The following ANKRD28 variants were observed in gnomAD, a reference collection of about 807,000 sequenced individuals.
ANKRD28 encodes ankyrin repeat domain 28.
ANKRD28 carries 44 observed loss-of-function variants against 126.5 expected under a neutral mutation model. The ratio of observed to expected loss-of-function variants is 0.35; its 90% CI spans 0.27 to 0.45. ANKRD28 has a LOEUF of 0.45. Among genes scored for constraint, ANKRD28 ranks in the 20% least tolerant of loss-of-function variants. ANKRD28 has a pLI of 1.00. For missense variants in ANKRD28, 1,110 were observed against 1,316.6 expected (o/e 0.84, Z 2.43); for synonymous variants, 442 against 468.5 (o/e 0.94, Z 0.73).
At chr3:15,750,002 GATT>G (rs2057763145) in intron 4 of ANKRD28, among the ~76,000 whole-genome samples, 1 of 152,200 alleles carries the variant, frequency 6.6e-6, no homozygotes, top group Non-Finnish European at 1.5e-5. Flanking sequence ...AACTTACTAG[GATT>G]ATTTGCTTTC....
At position 15,797,549 on chromosome 3, in the gene ANKRD28, T is replaced by C; in HGVS notation, c.-1028A>G. The C allele has an allele frequency of 3.0e-6, 3 of 984,950 alleles. No homozygotes were observed. The highest frequency in any genetic ancestry group is 3.6e-6 in the Non-Finnish European group (3 of 829,910). The allele number at this position is 984,950 out of a possible 1,614,324, so 61.0% of individuals were successfully genotyped here. ...GCTCAAATTACTGCTTCAGGCTTTT[T>C]GTTTTCTTTAAAAAAAAAAAGGGGG... On this transcript the variant is annotated 5_prime_UTR_variant, in exon 1 of 28. Coordinates refer to ENST00000683139, the MANE Select transcript of ANKRD28 (RefSeq NM_001349278.2).
At chr3:15,800,470 T>C (rs1363119585), upstream of ANKRD28, among the ~76,000 whole-genome samples, 1 of 152,110 alleles carries the variant, frequency 6.6e-6, no homozygotes, top group Non-Finnish European at 1.5e-5. Flanking sequence ...TTGGGATAGC[T>C]GAATGATATC....
At position 15,735,466 on chromosome 3, in the gene ANKRD28, T is replaced by C. The variant is rs1271980097; in HGVS notation, c.584A>G (p.Asn195Ser). ...ATCTTTCTTGTCAAAAGCATTAATA[T>C]TGGCACCTCTAGACAAGAGTAGTTT... Reference protein sequence around the residue: ...MVKLLLSRGANINAFDKKDRR... With the variant: ...MVKLLLSRGASINAFDKKDRR... The change falls in exon 6 of 28, where the codon AAT becomes AGT. Residue 195 changes from asparagine (N) to serine (S), a missense_variant. Coordinates refer to ENST00000683139, the MANE Select transcript of ANKRD28 (RefSeq NM_001349278.2). 1.9e-6 allele frequency: 3 copies of C among 1,559,194 alleles called. No individual in the cohort carries two copies. Among genetic ancestry groups the C allele is most frequent in the South Asian group, 1.2e-5 (1 of 84,474 alleles).
intron 1 of ANKRD28, among the ~76,000 whole-genome samples, chr3:15,841,844 C>G (rs1441457108): frequency 6.6e-6 from 1 of 152,018 alleles, no homozygotes; most frequent in African/African-American, 2.4e-5. Flanking sequence ...CAAACTAGTA[C>G]AACCACTAGG....
In ANKRD28 at chr3:15,669,578, G is replaced by A. The variant is rs2066164488; in HGVS notation, c.*692C>T. On this transcript the variant is annotated 3_prime_UTR_variant, in exon 28 of 28. Transcript: ENST00000683139. ...TTTAATTCTAATAGTATAAAAATTG[G>A]AAATTTGAAATAGTTCTGTAAAAGA... is the stretch of plus-strand genomic sequence containing the variant. 1 of 151,650 alleles carries A rather than the reference G, an allele frequency of 6.6e-6. No individual in the cohort carries two copies. Among genetic ancestry groups the A allele is most frequent in the South Asian group, 2.1e-4 (1 of 4,808 alleles). The allele number at this position is 151,650 out of a possible 1,614,324, so 9.4% of individuals were successfully genotyped here.
intron 1 of ANKRD28, among the ~76,000 whole-genome samples, chr3:15,835,603 A>G (rs561909546): frequency 6.6e-6 from 1 of 152,314 alleles, no homozygotes; most frequent in East Asian, 1.9e-4. Context: ...CCACAGCTAT[A>G]AGAATAAGGT....
At chr3:15,685,497 T>C (rs1398212352) in intron 20 of ANKRD28, 52 bp from the exon 21 acceptor site, 6 of 1,554,570 alleles carry the variant, frequency 3.9e-6, no homozygotes, top group Middle Eastern at 1.7e-4. Context: ...AAACATTACA[T>C]GCCAATTTCA....
At chr3:15,768,498 G>C (rs755508731) in intron 2 of ANKRD28, among the ~76,000 whole-genome samples, 1 of 152,004 alleles carries the variant, frequency 6.6e-6, no homozygotes, top group Non-Finnish European at 1.5e-5. Flanking sequence ...AAATAAATAA[G>C]TAAATAAATT....
intron 14 of ANKRD28, among the ~76,000 whole-genome samples, chr3:15,705,818 T>C (rs1456419473): frequency 1.3e-5 from 2 of 152,068 alleles, no homozygotes; most frequent in Admixed American, 1.3e-4. Flanking sequence ...CTGGCCAACA[T>C]GGTGAATCTG....
chr3:15,715,993 TC>T (rs1367769477), intron 8 of ANKRD28, among the ~76,000 whole-genome samples: 6 of 151,252 alleles, frequency 4.0e-5, no homozygotes, highest in Non-Finnish European at 7.4e-5. Flanking sequence ...TTTTTTTCTC[TC>T]TTTTTTTTTT....
intron 5 of ANKRD28, 72 bp from the exon 6 acceptor site, chr3:15,735,569 G>A (rs944011198): frequency 8.4e-7 from 1 of 1,187,396 alleles, no homozygotes; most frequent in East Asian, 2.6e-5. Context: ...ATTTCTGACA[G>A]TTACTTATCT....
chr3:15,771,185 G>A (rs764642366), intron 2 of ANKRD28, among the ~76,000 whole-genome samples: 22 of 151,964 alleles, frequency 1.4e-4, no homozygotes, highest in Non-Finnish European at 2.4e-4. Context: ...CCAGGCGGGC[G>A]GATCACCTGA....
chr3:15,734,400 T>C (rs1012205977), intron 6 of ANKRD28, among the ~76,000 whole-genome samples: 8 of 152,204 alleles, frequency 5.3e-5, no homozygotes, highest in Non-Finnish European at 1.2e-4. Context: ...AATCAGGTAA[T>C]GTGACTGGTA....
chr3:15,717,249 G>A (rs1178858960), intron 8 of ANKRD28, among the ~76,000 whole-genome samples: 1 of 152,080 alleles, frequency 6.6e-6, no homozygotes, highest in South Asian at 2.1e-4. Context: ...AGGTAGCTGG[G>A]ACTAAAGGCA....
At position 15,797,119 on chromosome 3, in the gene ANKRD28, A is replaced by G. The variant is rs1404076781; in HGVS notation, c.-598T>C. 1 of 985,194 alleles carries G rather than the reference A, an allele frequency of 1.0e-6. No individual in the cohort carries two copies. Among genetic ancestry groups the G allele is most frequent in the Admixed American group, 6.2e-5 (1 of 16,230 alleles). The allele number at this position is 985,194 out of a possible 1,614,324, so 61.0% of individuals were successfully genotyped here. On this transcript the variant is annotated 5_prime_UTR_variant, in exon 1 of 28. Coordinates refer to ENST00000683139, the MANE Select transcript of ANKRD28 (RefSeq NM_001349278.2). ...TTTAATGCAGATACTATTCACAGAA[A>G]AAAGATCTAGAGCTCAGCACAAATC...
chr3:15,697,249 AC>A (rs1329316295), intron 14 of ANKRD28: 1 of 153,146 alleles, frequency 6.5e-6, no homozygotes, highest in Admixed American at 6.6e-5. Context: ...ACGCGAAGGC[AC>A]AAAAATGATA....
exon 1 of ANKRD28, chr3:15,859,423 A>G (rs2061856088): frequency 4.0e-6 from 6 of 1,517,860 alleles, no homozygotes; most frequent in Non-Finnish European, 5.3e-6. Flanking sequence ...CTCCGCGCCC[A>G]CTCCAGCCTC....
At chr3:15,740,203 GA>G (rs1312959416) in intron 4 of ANKRD28, among the ~76,000 whole-genome samples, 1 of 152,200 alleles carries the variant, frequency 6.6e-6, no homozygotes, top group African/African-American at 2.4e-5. Context: ...AGAGAAATCA[GA>G]ACAGTGGTTG....
Position 15,812,551 on chromosome 3 carries a change from C to T in ANKRD28, c.28-17245G>A, listed in dbSNP as rs925601118. Among the ~76,000 whole-genome samples the T allele has an allele frequency of 2.6e-5, 4 of 152,172 alleles. No homozygotes were observed. The highest frequency in any genetic ancestry group is 5.9e-5 in the Non-Finnish European group (4 of 68,038). On this transcript the variant is annotated intron_variant, in intron 1 of 27. Transcript: ENST00000399451. This position sits in a 1 kb window ranked among gnomAD's most constrained non-coding sequence, Gnocchi z 4.1. Reference sequence around the variant, plus strand: ...GGTATCTGCTATTTGTTACCATTTTCTTAATCAAATTTTACTATATTAAGT... The same window carrying T: ...GGTATCTGCTATTTGTTACCATTTTTTTAATCAAATTTTACTATATTAAGT...
Sources: allele counts gnomAD v4.1 joint callset (sites outside exome capture counted in the v4.1 genomes callset), GRCh38; gene constraint gnomAD v4.1.1; non-coding constraint Gnocchi (gnomAD v3.1); transcripts MANE v1.5; gene names NCBI Gene and HGNC (gene_info 2026-07-23, HGNC 2026-07-21).